OVCH1: variants seen among roughly 807,000 people sequenced by gnomAD.
OVCH1 encodes the protein ovochymase-1.
A neutral mutation model predicts 138.4 loss-of-function variants in OVCH1; 139 were observed. That is an observed-to-expected ratio of 1.00 (90% CI 0.87 to 1.16). The LOEUF (loss-of-function observed/expected upper bound fraction) is 1.16, where lower values mean the gene tolerates loss of function less well. Ranked by LOEUF, OVCH1 falls within the 50% of genes most tolerant of loss-of-function variation. The probability of loss-of-function intolerance (pLI) is 0.00; values close to 1 mark genes in which losing one functional copy is unlikely to be tolerated. For synonymous variants in OVCH1, 453 were observed against 467.8 expected, an observed-to-expected ratio of 0.97 and a Z score of 0.41; for missense variants, 1,367 against 1,357.9, an observed-to-expected ratio of 1.01 and a Z score of -0.11.
At chr12:29,469,553 G>C (rs2135999525) in intron 16 of OVCH1, among the ~76,000 whole-genome samples, 1 of 152,178 alleles carries the variant, frequency 6.6e-6, no homozygotes, top group African/African-American at 2.4e-5. Context: ...CATGAGGCTG[G>C]CCTGCTGGGA....
downstream of OVCH1, among the ~76,000 whole-genome samples, chr12:29,425,310 A>G (rs1389516921): frequency 6.6e-6 from 1 of 152,242 alleles, no homozygotes; most frequent in Non-Finnish European, 1.5e-5. Context: ...TGTAGGTTGA[A>G]GATAGGTGGC....
chr12:29,459,513 A>G (rs1387149425), intron 19 of OVCH1, among the ~76,000 whole-genome samples: 1 of 152,182 alleles, frequency 6.6e-6, no homozygotes, highest in Non-Finnish European at 1.5e-5. Context: ...GTATAGGGGA[A>G]GTGGGAATAA....
chr12:29,489,358 T>C (rs1349539825), intron 6 of OVCH1, among the ~76,000 whole-genome samples: 8 of 152,194 alleles, frequency 5.3e-5, no homozygotes. Flanking sequence ...TTGATTCCAT[T>C]AGGTTGCACA....
intron 16 of OVCH1, among the ~76,000 whole-genome samples, chr12:29,469,589 G>T (rs1008725908): frequency 9.9e-5 from 15 of 152,068 alleles, no homozygotes; most frequent in African/African-American, 3.6e-4. Context: ...ATCAAGAAGG[G>T]GTCAGGAAAG....
chr12:29,445,941 C>G (rs1941602151), intron 22 of OVCH1, among the ~76,000 whole-genome samples: 1 of 152,056 alleles, frequency 6.6e-6, no homozygotes, highest in South Asian at 2.1e-4. Context: ...TCAAACTCTT[C>G]TAAACTAAGA....
At chr12:29,464,398 C>A in intron 18 of OVCH1, 109 bp downstream of exon 18, 1 of 1,204,674 alleles carries the variant, frequency 8.3e-7, no homozygotes, top group Non-Finnish European at 1.2e-6. Flanking sequence ...TGGTTTCTAT[C>A]TTTTAGAAAG....
chr12:29,441,441 C>T (rs1210431100), intron 25 of OVCH1, among the ~76,000 whole-genome samples: 1 of 152,152 alleles, frequency 6.6e-6, no homozygotes, highest in African/African-American at 2.4e-5. Flanking sequence ...AACTGGATCC[C>T]TTCCTTACAC....
At chr12:29,445,044 CTT>C (rs1408640329) in intron 23 of OVCH1, among the ~76,000 whole-genome samples, 1 of 152,044 alleles carries the variant, frequency 6.6e-6, no homozygotes, top group East Asian at 1.9e-4. Context: ...ATGAACATAT[CTT>C]AGCCATTTTC....
chr12:29,444,639 T>G (rs2135927123), intron 23 of OVCH1, among the ~76,000 whole-genome samples: 1 of 152,142 alleles, frequency 6.6e-6, no homozygotes, highest in Non-Finnish European at 1.5e-5. Flanking sequence ...CTTAATTAAC[T>G]TTTTCCAAAT....
At chr12:29,402,742 G>A in the OVCH1 span, among the ~76,000 whole-genome samples, 2 of 151,958 alleles carry the variant, frequency 1.3e-5, no homozygotes, top group Non-Finnish European at 2.9e-5. Flanking sequence ...GGGAGAGATG[G>A]ATTGAGAAGT....
intron 16 of OVCH1, among the ~76,000 whole-genome samples, chr12:29,466,055 C>T (rs949613544): frequency 1.0e-4 from 14 of 138,958 alleles, no homozygotes; most frequent in Non-Finnish European, 2.1e-4. Flanking sequence ...AATGAGAACA[C>T]CTAGACACAG....
Position 29,470,083 on chromosome 12 carries a change from A to G in OVCH1, c.1856+1719T>C, listed in dbSNP as rs1013161337. On this transcript the variant is annotated intron_variant, in intron 16 of 27. Coordinates refer to ENST00000318184, the Ensembl canonical transcript of OVCH1. ...GAAGTAAGACACAAGAATATAAACT[A>G]CAATTGTTACATAAAGATCAAAACC... 2.6e-5 allele frequency among the ~76,000 whole-genome samples: 4 copies of G among 152,348 alleles called. No individual in the cohort carries two copies. The South Asian group carries it at 8.3e-4, about 32-fold the overall frequency.
chr12:29,428,299 C>T (rs1941212585), intron 27 of OVCH1, among the ~76,000 whole-genome samples: 1 of 152,206 alleles, frequency 6.6e-6, no homozygotes, highest in Non-Finnish European at 1.5e-5. Context: ...CTGACAGAAA[C>T]CAATTCAGAA....
intron 8 of OVCH1, among the ~76,000 whole-genome samples, chr12:29,481,474 A>C (rs1364050685): frequency 6.6e-6 from 1 of 152,150 alleles, no homozygotes; most frequent in East Asian, 1.9e-4. Flanking sequence ...TAACTATTTT[A>C]TCTCTACTTC....
chr12:29,479,519 A>AC (rs1283826824), intron 8 of OVCH1, among the ~76,000 whole-genome samples: 2 of 152,146 alleles, frequency 1.3e-5, no homozygotes, highest in Admixed American at 6.6e-5. Flanking sequence ...ATAATCCCTT[A>AC]CCTTCATTTT....
At chr12:29,450,592 G>A (rs1565578841) in intron 22 of OVCH1, among the ~76,000 whole-genome samples, 1 of 152,202 alleles carries the variant, frequency 6.6e-6, no homozygotes, top group Non-Finnish European at 1.5e-5. Flanking sequence ...TTCAACCATT[G>A]TAGAATACAG....
chr12:29,454,440 CAG>C (rs1941886217), intron 21 of OVCH1, among the ~76,000 whole-genome samples: 1 of 152,152 alleles, frequency 6.6e-6, no homozygotes. Context: ...TTTTATCAAA[CAG>C]AGAGTGGCAA....
chr12:29,460,231 T>C (rs1319974004), intron 19 of OVCH1, among the ~76,000 whole-genome samples: 1 of 152,216 alleles, frequency 6.6e-6, no homozygotes, highest in Admixed American at 6.5e-5. Context: ...CTAGTTCTTT[T>C]CTTTCCGCAC....
intron 16 of OVCH1, among the ~76,000 whole-genome samples, chr12:29,467,484 C>T (rs1343358940): frequency 6.6e-6 from 1 of 152,064 alleles, no homozygotes; most frequent in African/African-American, 2.4e-5. Flanking sequence ...ACCTTTTCTT[C>T]CCCCTCTCCC....
Sources: gnomAD v4.1 joint callset for allele counts (sites outside exome capture counted in the v4.1 genomes callset) on GRCh38, gnomAD v4.1.1 for gene constraint, MANE v1.5 for transcripts, NCBI Gene and HGNC (gene_info 2026-07-23, HGNC 2026-07-21) for gene names.